MCF2: variants seen among roughly 807,000 people sequenced by gnomAD.
The protein encoded by MCF2 is MCF.2 cell line derived transforming sequence.
In MCF2, 44 loss-of-function variants were observed where a neutral mutation model predicts 82.5. The ratio of observed to expected loss-of-function variants is 0.53; its 90% CI spans 0.42 to 0.69. The LOEUF (loss-of-function observed/expected upper bound fraction) is 0.69, where lower values mean the gene tolerates loss of function less well. Among genes scored for constraint, MCF2 ranks in the 30% least tolerant of loss-of-function variants. The pLI, the probability that MCF2 is intolerant of heterozygous loss-of-function variation, is 0.00. For missense variants in MCF2, 623 were observed against 663.1 expected (o/e 0.94, Z 0.66); for synonymous variants, 217 against 224.9 (o/e 0.96, Z 0.32).
chrX:139,658,612 T>C (rs1934262358), intron 1 of MCF2, among the ~76,000 whole-genome samples: 1 of 108,177 alleles, frequency 9.2e-6, no homozygotes, highest in African/African-American at 3.4e-5. Context: ...AAATAGAGGG[T>C]CAAAATTCTT....
chrX:139,686,070 TAAAA>T (rs3058305), intron 1 of MCF2, among the ~76,000 whole-genome samples: 2 of 99,898 alleles, frequency 2.0e-5, no homozygotes, highest in Admixed American at 1.1e-4. Flanking sequence ...CCCTTCACGT[TAAAA>T]AAAAAAAAAA....
chrX:139,630,108 A>C (rs1270145715), intron 3 of MCF2, among the ~76,000 whole-genome samples: 1 of 111,708 alleles, frequency 9.0e-6, no homozygotes, highest in Admixed American at 9.6e-5. Flanking sequence ...GACACTAATG[A>C]AAACTATTTC....
At chrX:139,691,913 A>G (rs1402740849) in intron 1 of MCF2, 1 of 1,163,656 alleles carries the variant, frequency 8.6e-7, no homozygotes, top group East Asian at 3.3e-5. Context: ...GAGGGGACTT[A>G]CCTGCCACGA....
intron 6 of MCF2, among the ~76,000 whole-genome samples, chrX:139,620,817 T>C (rs1347992689): frequency 8.9e-6 from 1 of 111,879 alleles, no homozygotes; most frequent in African/African-American, 3.2e-5. Context: ...TTCAATGTTA[T>C]TCCTATCAAA....
intron 16 of MCF2, among the ~76,000 whole-genome samples, chrX:139,599,401 A>G (rs1235252433): frequency 1.8e-5 from 2 of 110,136 alleles, no homozygotes; most frequent in African/African-American, 6.6e-5. Flanking sequence ...AAGCAAGGGG[A>G]AAACTTCCGC....
At position 139,695,602 on chromosome X, in the gene MCF2, C is replaced by T. The variant is rs901640647; in HGVS notation, c.-45+12504G>A. On this transcript the variant is annotated intron_variant, in intron 1 of 27. Transcript: ENST00000414978. ...GAGAGAAAGCCTAAGCTCACATGAGCTCCTTCTGTGTCATCCATAAAATCA... is the reference window on the plus strand; with the variant it reads ...GAGAGAAAGCCTAAGCTCACATGAGTTCCTTCTGTGTCATCCATAAAATCA... Among the ~76,000 whole-genome samples, 8 of 111,881 alleles carry T rather than the reference C, an allele frequency of 7.2e-5. No individual in the cohort carries two copies. In the Admixed American group the frequency reaches 7.6e-4, roughly 11 times the overall value.
chrX:139,680,027 T>C (rs1251288911), intron 1 of MCF2, among the ~76,000 whole-genome samples: 1 of 112,373 alleles, frequency 8.9e-6, no homozygotes, highest in Non-Finnish European at 1.9e-5. Context: ...TTTACACGTA[T>C]ATGTGCATTC....
intron 19 of MCF2, among the ~76,000 whole-genome samples, chrX:139,592,108 T>A (rs770838762): frequency 9.0e-6 from 1 of 111,667 alleles, no homozygotes; most frequent in Non-Finnish European, 1.9e-5. Context: ...TTTAGTGGTA[T>A]CACCATTTTC....
At chrX:139,595,507 C>G (rs1297752986) in intron 19 of MCF2, among the ~76,000 whole-genome samples, 2 of 97,070 alleles carry the variant, frequency 2.1e-5, no homozygotes, top group Non-Finnish European at 4.0e-5. Flanking sequence ...TCTTCTCACT[C>G]ATAGGTGGGA....
intron 1 of MCF2, among the ~76,000 whole-genome samples, chrX:139,707,176 T>C (rs865860636): frequency 1.8e-5 from 2 of 109,996 alleles, no homozygotes; most frequent in Non-Finnish European, 3.8e-5. Context: ...GAGTTTTCCT[T>C]AGGATCTTTT....
At chrX:139,669,500 G>A (rs1934620387) in intron 1 of MCF2, among the ~76,000 whole-genome samples, 1 of 112,163 alleles carries the variant, frequency 8.9e-6, no homozygotes, top group African/African-American at 3.2e-5. Flanking sequence ...TCCTCAGAAG[G>A]TTACACATAG....
intron 23 of MCF2, among the ~76,000 whole-genome samples, chrX:139,585,722 T>G (rs1038588820): frequency 2.7e-5 from 3 of 112,109 alleles, no homozygotes; most frequent in African/African-American, 9.7e-5. Flanking sequence ...TTTTAATTGC[T>G]TGTTTAACTA....
chrX:139,658,221 C>A (rs1439190686), intron 1 of MCF2, among the ~76,000 whole-genome samples: 1 of 111,035 alleles, frequency 9.0e-6, no homozygotes, highest in Non-Finnish European at 1.9e-5. Context: ...ATATTTTTTA[C>A]CTTAAGAATA....
chrX:139,613,423 T>C (rs1931649783), intron 10 of MCF2, among the ~76,000 whole-genome samples, 160 bp from the exon 14 acceptor site: 1 of 112,103 alleles, frequency 8.9e-6, no homozygotes, highest in Non-Finnish European at 1.9e-5. Flanking sequence ...TTTAAGAACC[T>C]CTAGAAAGAG....
In MCF2 at chrX:139,607,782, G is replaced by C. The variant is rs765825505; in HGVS notation, c.1402-3C>G. The stretch of plus-strand genomic sequence containing the variant: ...TGACAATCAGGCACCACTTCAATCT[G>C]AAATACAGAAAATAAAAGTTAAATT... On this transcript the variant is annotated splice_polypyrimidine_tract_variant and splice_region_variant and intron_variant, in intron 11 of 24. Coordinates refer to ENST00000370576, the Ensembl canonical transcript of MCF2. The C allele has an allele frequency of 8.6e-7, 1 of 1,166,612 alleles. No homozygotes were observed. Among genetic ancestry groups the C allele is most frequent in the South Asian group, 1.8e-5 (1 of 54,407 alleles).
intron 1 of MCF2, among the ~76,000 whole-genome samples, chrX:139,664,022 T>A (rs1341658227): frequency 1.8e-5 from 2 of 111,076 alleles, no homozygotes; most frequent in Non-Finnish European, 3.8e-5. Context: ...TTTTGTTTTT[T>A]GAGGCAGAGT....
chrX:139,645,582 G>C, upstream of MCF2: 1 of 1,184,714 alleles, frequency 8.4e-7, no homozygotes, highest in Non-Finnish European at 1.1e-6. Context: ...ATTTTTTGGA[G>C]AGAGATTTTG....
intron 1 of MCF2, 130 bp from the exon 5 acceptor site, chrX:139,632,584 C>T (rs754988829): frequency 2.3e-6 from 1 of 436,764 alleles, no homozygotes; most frequent in South Asian, 6.2e-5. Flanking sequence ...AAGGCCAACA[C>T]TTTACAAATG....
intron 1 of MCF2, among the ~76,000 whole-genome samples, chrX:139,694,698 G>A (rs1935346208): frequency 9.0e-6 from 1 of 111,403 alleles, no homozygotes; most frequent in Non-Finnish European, 1.9e-5. Flanking sequence ...TTTGACAAAA[G>A]TTTGTATGCA....
Sources: allele counts gnomAD v4.1 joint callset (sites outside exome capture counted in the v4.1 genomes callset), GRCh38; gene constraint gnomAD v4.1.1; transcripts MANE v1.5; gene names NCBI Gene and HGNC (gene_info 2026-07-23, HGNC 2026-07-21).